The following CFDP1 variants were observed in gnomAD, a reference collection of about 807,000 sequenced individuals.
CFDP1 encodes the protein chromatin remodeling protein CFDP1.
In CFDP1, 31 loss-of-function variants were observed where a neutral mutation model predicts 40.1. The observed-to-expected ratio is 0.77, with a 90% CI of 0.58 to 1.04. The LOEUF (loss-of-function observed/expected upper bound fraction) is 1.04. Ranked by LOEUF, CFDP1 falls within the 50% of genes least tolerant of loss-of-function variation. The pLI is 0.00. For synonymous variants in CFDP1, 167 were observed against 120.0 expected, an observed-to-expected ratio of 1.39 and a Z score of -2.56; for missense variants, 423 against 343.4, an observed-to-expected ratio of 1.23 and a Z score of -1.83.
intron 5 of CFDP1, among the ~76,000 whole-genome samples, chr16:75,346,283 T>C (rs865983984): frequency 1.3e-5 from 2 of 151,884 alleles, no homozygotes; most frequent in South Asian, 4.1e-4. Flanking sequence ...AACTCTCCAG[T>C]GTAAAGAGCA....
intron 4 of CFDP1, among the ~76,000 whole-genome samples, chr16:75,400,015 C>T (rs1418144913): frequency 6.0e-5 from 9 of 149,068 alleles, no homozygotes; most frequent in African/African-American, 1.5e-4. Context: ...GCAGCAGAAT[C>T]GCTTGAACCC....
chr16:75,429,825 C>A (rs548682085), intron 1 of CFDP1, among the ~76,000 whole-genome samples: 15 of 152,202 alleles, frequency 9.9e-5, no homozygotes, highest in African/African-American at 3.1e-4. Flanking sequence ...GCAGTGTCGA[C>A]GAAAAGAGTC....
intron 5 of CFDP1, among the ~76,000 whole-genome samples, chr16:75,352,354 A>T (rs1211127103): frequency 6.6e-6 from 1 of 152,060 alleles, no homozygotes; most frequent in Non-Finnish European, 1.5e-5. Context: ...AAAACAAAAC[A>T]AAACAAATTA....
chr16:75,363,227 T>C (rs1326229103), intron 5 of CFDP1, among the ~76,000 whole-genome samples: 1 of 149,082 alleles, frequency 6.7e-6, no homozygotes, highest in Non-Finnish European at 1.5e-5. Context: ...GACAAAGAAA[T>C]CTTTGAAATA....
chr16:75,382,838 C>T (rs2078863305), intron 5 of CFDP1, among the ~76,000 whole-genome samples: 1 of 151,558 alleles, frequency 6.6e-6, no homozygotes. Context: ...GAAAACTCTT[C>T]TCCTTTTGTT....
At chr16:75,299,473 T>C (rs2151497833) in intron 6 of CFDP1, among the ~76,000 whole-genome samples, 1 of 150,888 alleles carries the variant, frequency 6.6e-6, no homozygotes, top group East Asian at 2.0e-4. Context: ...CGGGCGCCTG[T>C]AGTCCCAGCT....
chr16:75,383,806 A>C (rs1421994814), intron 5 of CFDP1, among the ~76,000 whole-genome samples: 2 of 138,626 alleles, frequency 1.4e-5, no homozygotes, highest in Non-Finnish European at 3.1e-5. Context: ...CAAAAGAGCG[A>C]GACTCCGTCT....
At chr16:75,352,722 C>T (rs1437987855) in intron 5 of CFDP1, among the ~76,000 whole-genome samples, 1 of 152,128 alleles carries the variant, frequency 6.6e-6, no homozygotes, top group African/African-American at 2.4e-5. Flanking sequence ...CCCATACACC[C>T]ATTCTGGTTT....
At chr16:75,421,235 G>C (rs766238069) in intron 1 of CFDP1, among the ~76,000 whole-genome samples, 1 of 152,144 alleles carries the variant, frequency 6.6e-6, no homozygotes, top group Non-Finnish European at 1.5e-5. Flanking sequence ...TGGCCTTGCA[G>C]AGTCCCTGTT....
At chr16:75,303,969 T>G (rs2078241124) in intron 6 of CFDP1, among the ~76,000 whole-genome samples, 1 of 152,176 alleles carries the variant, frequency 6.6e-6, no homozygotes, top group African/African-American at 2.4e-5. Flanking sequence ...CTGTTGATTT[T>G]GAGCCATGAA....
intron 1 of CFDP1, among the ~76,000 whole-genome samples, chr16:75,417,525 T>A (rs1161275085): frequency 2.6e-5 from 4 of 152,096 alleles, no homozygotes; most frequent in Non-Finnish European, 4.4e-5. Flanking sequence ...AAGGAAGAAT[T>A]AAGAATATGC....
intron 5 of CFDP1, among the ~76,000 whole-genome samples, chr16:75,366,610 G>A (rs917732008): frequency 4.1e-4 from 62 of 152,234 alleles, no homozygotes; most frequent in African/African-American, 1.5e-3. Flanking sequence ...AGTGGATAGA[G>A]TGAGTGCGAC....
At chr16:75,369,240 T>TA (rs903085539) in intron 5 of CFDP1, among the ~76,000 whole-genome samples, 1 of 152,018 alleles carries the variant, frequency 6.6e-6, no homozygotes, top group Non-Finnish European at 1.5e-5. Flanking sequence ...TAGGGAATAA[T>TA]AAAAAAAGTA....
chr16:75,347,247 G>A (rs1297810800), intron 5 of CFDP1, among the ~76,000 whole-genome samples: 2 of 149,368 alleles, frequency 1.3e-5, no homozygotes, highest in Non-Finnish European at 3.0e-5. Flanking sequence ...AGGAGGCTGA[G>A]GCAGGAGAAT....
intron 6 of CFDP1, among the ~76,000 whole-genome samples, chr16:75,294,966 C>A (rs1045604023): frequency 6.6e-6 from 1 of 152,178 alleles, no homozygotes; most frequent in Non-Finnish European, 1.5e-5. Flanking sequence ...CACCATAAAG[C>A]GTGCTGCGAT....
chr16:75,349,237 G>A (rs2078590779), intron 5 of CFDP1, among the ~76,000 whole-genome samples: 1 of 152,046 alleles, frequency 6.6e-6, no homozygotes, highest in Non-Finnish European at 1.5e-5. Context: ...TAGGCTGGGT[G>A]CGGTGGGTCA....
At chr16:75,394,493 T>C (rs2078979544) in intron 5 of CFDP1, among the ~76,000 whole-genome samples, 1 of 152,170 alleles carries the variant, frequency 6.6e-6, no homozygotes, top group African/African-American at 2.4e-5. Context: ...GAGTGAGTGT[T>C]CATCGCAAAT....
chr16:75,318,228 A>T (rs117114587), intron 5 of CFDP1, among the ~76,000 whole-genome samples: 1 of 152,002 alleles, frequency 6.6e-6, no homozygotes, highest in Non-Finnish European at 1.5e-5. Context: ...TGACGGCTGG[A>T]GCCACACACT....
At chr16:75,294,713 G>C (rs1046614367) in intron 6 of CFDP1, among the ~76,000 whole-genome samples, 2 of 152,054 alleles carry the variant, frequency 1.3e-5, no homozygotes, top group African/African-American at 4.8e-5. Flanking sequence ...CTTCTGCTAA[G>C]ATGACAGGAG....
Sources: gnomAD v4.1 joint callset for allele counts (sites outside exome capture counted in the v4.1 genomes callset) on GRCh38, gnomAD v4.1.1 for gene constraint, MANE v1.5 for transcripts, NCBI Gene and HGNC (gene_info 2026-07-23, HGNC 2026-07-21) for gene names.